A2M: variants seen among roughly 807,000 people sequenced by gnomAD.
A2M encodes C3 and PZP-like alpha-2-macroglobulin domain-containing protein 5.
A2M carries 128 observed loss-of-function variants against 183.9 expected under a neutral mutation model. The ratio of observed to expected loss-of-function variants is 0.70; its 90% CI spans 0.60 to 0.81. The LOEUF is 0.81. Ranked by LOEUF, A2M falls within the 30% of genes least tolerant of loss-of-function variation. The probability of loss-of-function intolerance (pLI) is 0.00; values close to 1 mark genes in which losing one functional copy is unlikely to be tolerated. For synonymous variants in A2M, 592 were observed against 670.8 expected, an observed-to-expected ratio of 0.88 and a Z score of 1.81; for missense variants, 1,495 against 1,787.6, an observed-to-expected ratio of 0.84 and a Z score of 2.95.
At chr12:9,084,655 G>A (rs772193684) in intron 22 of A2M, among the ~76,000 whole-genome samples, 45 of 152,080 alleles carry the variant, frequency 3.0e-4, no homozygotes, top group African/African-American at 9.9e-4. Context: ...CAACAAAATG[G>A]TAGTACCAAG....
At chr12:9,101,998 A>G (rs1014318824) in intron 11 of A2M, among the ~76,000 whole-genome samples, 17 of 152,170 alleles carry the variant, frequency 1.1e-4, no homozygotes, top group Non-Finnish European at 2.5e-4. Flanking sequence ...GAGCTATGAA[A>G]CTTCATTGAG....
chr12:9,089,781 T>C (rs1253412443), intron 21 of A2M, 121 bp downstream of exon 21: 15 of 750,180 alleles, frequency 2.0e-5, no homozygotes, highest in Non-Finnish European at 2.6e-5. Context: ...AGAAAGTAAA[T>C]CAAGAGAGAG....
At chr12:9,093,638 A>C in intron 17 of A2M, 59 bp from the exon 18 acceptor site, 9 of 907,274 alleles carry the variant, frequency 9.9e-6, no homozygotes, top group Non-Finnish European at 1.4e-5. Context: ...TTATGAGAGA[A>C]TGTAATAGTT....
intron 22 of A2M, 118 bp downstream of exon 22, chr12:9,089,082 C>G (rs1344548322): frequency 1.3e-6 from 1 of 782,730 alleles, no homozygotes; most frequent in Non-Finnish European, 2.0e-6. Flanking sequence ...TTGTCAAATG[C>G]ATTGATGGTG....
intron 4 of A2M, among the ~76,000 whole-genome samples, chr12:9,110,661 T>C (rs952093549): frequency 1.1e-4 from 17 of 151,796 alleles, no homozygotes; most frequent in Non-Finnish European, 2.5e-4. Context: ...TATCAAAATA[T>C]CTCATGTAAC....
chr12:9,078,154 T>C (rs1237379425), intron 25 of A2M, among the ~76,000 whole-genome samples: 3 of 152,158 alleles, frequency 2.0e-5, no homozygotes, highest in African/African-American at 2.4e-5. Context: ...TGGTGGTTTC[T>C]TGCACCTATT....
At chr12:9,096,699 G>A (rs1482182821) in intron 15 of A2M, among the ~76,000 whole-genome samples, 1 of 152,212 alleles carries the variant, frequency 6.6e-6, no homozygotes, top group Non-Finnish European at 1.5e-5. Context: ...GAACAGATGA[G>A]CAAAGTGAGT....
chr12:9,091,144 CA>C (rs1374266960), intron 19 of A2M, 56 bp downstream of exon 19: 1 of 1,569,558 alleles, frequency 6.4e-7, no homozygotes, highest in Non-Finnish European at 8.8e-7. Context: ...CCTAGGAATG[CA>C]ACTTTTAATT....
chr12:9,094,972 C>T lies in A2M; in HGVS notation c.2125+1G>A. 6.7e-7 allele frequency: 1 copy of T among 1,494,880 alleles called. No individual in the cohort carries two copies. The highest frequency in any genetic ancestry group is 9.0e-7 in the Non-Finnish European group (1 of 1,111,358). 92.6% of individuals were successfully genotyped at this position (1,494,880 alleles called of 1,614,324 possible). ...TATATATTTATTAATTTTTTGTTTA[C>T]CATAAAAACCTACACGTAGACCTTC... On this transcript the variant is annotated splice_donor_variant, in intron 17 of 35. Transcript: ENST00000318602. LOFTEE classifies it high-confidence loss of function.
intron 6 of A2M, 100 bp from the exon 7 acceptor site, chr12:9,109,505 G>A (rs139974799): frequency 3.4e-6 from 3 of 889,192 alleles, no homozygotes; most frequent in African/African-American, 3.3e-5. Flanking sequence ...ATATTTTAGG[G>A]CTCTGAAAAG....
chr12:9,084,432 C>T (rs889692144), intron 22 of A2M, among the ~76,000 whole-genome samples: 8 of 152,056 alleles, frequency 5.3e-5, no homozygotes, highest in African/African-American at 1.7e-4. Flanking sequence ...CTGACATCAA[C>T]GACATAAAAT....
intron 15 of A2M, 124 bp from the exon 16 acceptor site, chr12:9,095,824 A>G (rs906751813): frequency 1.1e-4 from 79 of 740,148 alleles, no homozygotes; most frequent in Non-Finnish European, 1.3e-4. Context: ...CAGTGGCGCA[A>G]TCTCGGCTCA....
At chr12:9,113,706 T>G (rs1938921046) in intron 1 of A2M, among the ~76,000 whole-genome samples, 163 bp from the exon 2 acceptor site, 1 of 152,212 alleles carries the variant, frequency 6.6e-6, no homozygotes, top group East Asian at 1.9e-4. Flanking sequence ...ATAAGAATTA[T>G]TTCCCTTTTC....
chr12:9,095,487 G>A, intron 16 of A2M, 52 bp downstream of exon 16: 2 of 1,533,832 alleles, frequency 1.3e-6, no homozygotes, highest in East Asian at 2.3e-5. Context: ...TTTTCCATGT[G>A]TAATATTTTA....
chr12:9,093,840 C>T (rs780946716), intron 17 of A2M, among the ~76,000 whole-genome samples: 4 of 152,058 alleles, frequency 2.6e-5, no homozygotes, highest in Admixed American at 6.5e-5. Context: ...GCCGAGACGG[C>T]GCCACTGCAC....
At chr12:9,085,598 T>C (rs1949029915) in intron 22 of A2M, among the ~76,000 whole-genome samples, 1 of 151,454 alleles carries the variant, frequency 6.6e-6, no homozygotes, top group Non-Finnish European at 1.5e-5. Flanking sequence ...CTCAGAGAAG[T>C]AGGAAAAGAA....
At chr12:9,091,466 A>C (rs773219763) in intron 18 of A2M, 37 bp from the exon 19 acceptor site, 1 of 1,603,820 alleles carries the variant, frequency 6.2e-7, no homozygotes, top group African/African-American at 1.3e-5. Flanking sequence ...GAAAGTAAGC[A>C]GTTAAATACA....
In A2M at chr12:9,101,502, T is replaced by C. The variant is rs1349590807; in HGVS notation, c.1439A>G (p.Tyr480Cys). 2 of 1,613,748 alleles carry C rather than the reference T, an allele frequency of 1.2e-6. No homozygotes were observed. Residue 480 changes from tyrosine (Y) to cysteine (C), a missense_variant, in exon 12 of 36, where the codon TAT (tyrosine) becomes TGT (cysteine). Physicochemically the swap from Tyr to Cys is radical, Grantham distance 194. Coordinates refer to ENST00000318602, the MANE Select transcript of A2M (RefSeq NM_000014.6). ...CAGCAGGGTGCCTCCATTCAGAATA[T>C]AATGTGCCTGGACTGTCTGAGTATG... ...CGHTQTVQAH[Y>C]ILNGGTLLGL...
At chr12:9,110,136 TG>T in intron 5 of A2M, 101 bp from the exon 6 acceptor site, 1 of 1,303,678 alleles carries the variant, frequency 7.7e-7, no homozygotes, top group Non-Finnish European at 1.1e-6. Context: ...AAAGGTCAAA[TG>T]GGGTAGTAGT....
Sources: allele counts gnomAD v4.1 joint callset (sites outside exome capture counted in the v4.1 genomes callset), GRCh38; gene constraint gnomAD v4.1.1; transcripts MANE v1.5; gene names NCBI Gene and HGNC (gene_info 2026-07-23, HGNC 2026-07-21).